CLDN10: variants seen among roughly 807,000 people sequenced by gnomAD.
CLDN10 encodes claudin-10.
In CLDN10, 15 loss-of-function variants were observed where a neutral mutation model predicts 22.9. The ratio of observed to expected loss-of-function variants is 0.65; its 90% CI spans 0.44 to 1.01. CLDN10 has a LOEUF of 1.01. CLDN10 is among the 50% of genes least tolerant of loss of function. The probability of loss-of-function intolerance (pLI) is 0.00; values close to 1 mark genes in which losing one functional copy is unlikely to be tolerated. For missense variants in CLDN10, 247 were observed against 287.8 expected (o/e 0.86, Z 1.03); for synonymous variants, 114 against 111.4 (o/e 1.02, Z -0.15).
At chr13:95,554,544 TG>T (rs2043609857) in intron 1 of CLDN10, among the ~76,000 whole-genome samples, 1 of 152,166 alleles carries the variant, frequency 6.6e-6, no homozygotes, top group Non-Finnish European at 1.5e-5. Context: ...TAGGAATAGT[TG>T]TCCTGGTTAG....
chr13:95,563,374 T>C (rs887081636), intron 3 of CLDN10, among the ~76,000 whole-genome samples: 1 of 152,194 alleles, frequency 6.6e-6, no homozygotes. Context: ...AGCTCTTTTC[T>C]GCAGTGGCTT....
At chr13:95,546,763 A>G (rs1470964069) in intron 1 of CLDN10, among the ~76,000 whole-genome samples, 1 of 152,148 alleles carries the variant, frequency 6.6e-6, no homozygotes, top group Non-Finnish European at 1.5e-5. Flanking sequence ...ACACCTAGTC[A>G]TTGAGAAAAC....
At chr13:95,465,805 C>T (rs1274966068) in intron 1 of CLDN10, among the ~76,000 whole-genome samples, 5 of 152,180 alleles carry the variant, frequency 3.3e-5, no homozygotes, top group East Asian at 1.9e-4. Flanking sequence ...AGTCTTTCTT[C>T]GCTACTGTCA....
chr13:95,487,096 C>G (rs899904724), intron 1 of CLDN10, among the ~76,000 whole-genome samples: 15 of 152,200 alleles, frequency 9.9e-5, no homozygotes, highest in African/African-American at 3.6e-4. Context: ...TTCTCTGCAT[C>G]TATCTCCTGA....
intron 1 of CLDN10, among the ~76,000 whole-genome samples, chr13:95,478,183 CTGTAGTCCCAGCT>C (rs1223452358): frequency 2.0e-5 from 3 of 152,164 alleles, no homozygotes; most frequent in African/African-American, 7.2e-5. Context: ...TGGTGCATGC[CTGTAGTCCCAGCT>C]ACTTGGGAGG....
At chr13:95,539,301 A>G (rs182791099) in intron 1 of CLDN10, among the ~76,000 whole-genome samples, 10 of 152,340 alleles carry the variant, frequency 6.6e-5, no homozygotes, top group African/African-American at 2.4e-4. Flanking sequence ...GACTCTTAAA[A>G]CAACACAGAA....
chr13:95,542,637 T>C (rs1038410434), intron 1 of CLDN10, among the ~76,000 whole-genome samples: 1 of 151,908 alleles, frequency 6.6e-6, no homozygotes, highest in Non-Finnish European at 1.5e-5. Context: ...TGAAACCCCA[T>C]CTGTACTAAA....
chr13:95,475,918 G>T (rs1387585674), intron 1 of CLDN10, among the ~76,000 whole-genome samples: 1 of 151,972 alleles, frequency 6.6e-6, no homozygotes, highest in Admixed American at 6.6e-5. Context: ...CCATGGCTCT[G>T]CTGTGATGTG....
intron 1 of CLDN10, among the ~76,000 whole-genome samples, chr13:95,510,098 G>T (rs543996950): frequency 5.1e-4 from 77 of 152,216 alleles, no homozygotes; most frequent in Non-Finnish European, 3.5e-4. Flanking sequence ...TTGCAAGCAA[G>T]TTCCAGCACA....
At chr13:95,446,172 A>G (rs981856894) in intron 1 of CLDN10, among the ~76,000 whole-genome samples, 9 of 152,294 alleles carry the variant, frequency 5.9e-5, no homozygotes, top group Admixed American at 3.3e-4. Context: ...TCTCACAGAG[A>G]CCTGGCTAGA....
intron 1 of CLDN10, among the ~76,000 whole-genome samples, chr13:95,477,161 G>T (rs998044238): frequency 2.6e-5 from 4 of 152,210 alleles, no homozygotes; most frequent in African/African-American, 9.6e-5. Flanking sequence ...GGCACGCCAC[G>T]CCATGCAGGG....
intron 1 of CLDN10, among the ~76,000 whole-genome samples, chr13:95,491,321 A>T (rs1031148288): frequency 1.3e-5 from 2 of 152,014 alleles, no homozygotes; most frequent in Admixed American, 6.6e-5. Flanking sequence ...GTCATTTAAC[A>T]TAATCCCAGA....
intron 3 of CLDN10, among the ~76,000 whole-genome samples, chr13:95,573,687 T>C (rs993744672): frequency 3.3e-5 from 5 of 150,614 alleles, no homozygotes; most frequent in Non-Finnish European, 7.4e-5. Context: ...CAGTTTTTTT[T>C]GATATTTTTA....
chr13:95,513,158 G>T (rs539235100), intron 1 of CLDN10, among the ~76,000 whole-genome samples: 1 of 152,334 alleles, frequency 6.6e-6, no homozygotes, highest in Non-Finnish European at 1.5e-5. Context: ...AGGATTACAG[G>T]CATGAGCCAA....
intron 1 of CLDN10, among the ~76,000 whole-genome samples, chr13:95,501,112 T>C (rs967792111): frequency 6.6e-5 from 10 of 152,056 alleles, no homozygotes; most frequent in African/African-American, 2.2e-4. Flanking sequence ...CTCCTGGGTT[T>C]AAGCGATTCT....
chr13:95,488,157 G>A (rs2042825971), intron 1 of CLDN10, among the ~76,000 whole-genome samples: 1 of 147,254 alleles, frequency 6.8e-6, no homozygotes, highest in African/African-American at 2.5e-5. Context: ...GCTAATTTTT[G>A]TATTTTTAGT....
At chr13:95,484,066 TGACTTTG>T (rs1265140644) in intron 1 of CLDN10, among the ~76,000 whole-genome samples, 2 of 152,192 alleles carry the variant, frequency 1.3e-5, no homozygotes, top group Non-Finnish European at 2.9e-5. Context: ...GCTGGTGCCT[TGACTTTG>T]GCCTTCCCAG....
At chr13:95,445,041 G>T (rs2042359336) in intron 1 of CLDN10, among the ~76,000 whole-genome samples, 1 of 152,220 alleles carries the variant, frequency 6.6e-6, no homozygotes, top group Non-Finnish European at 1.5e-5. Flanking sequence ...CTCCCAAAGT[G>T]CTGGGATTAC....
chr13:95,448,334 T>C (rs1399889054), intron 1 of CLDN10, among the ~76,000 whole-genome samples: 1 of 152,072 alleles, frequency 6.6e-6, no homozygotes. Context: ...CACACACAGA[T>C]GTGCATTCAC....
Sources: allele counts gnomAD v4.1 joint callset (sites outside exome capture counted in the v4.1 genomes callset), GRCh38; gene constraint gnomAD v4.1.1; transcripts MANE v1.5; gene names NCBI Gene and HGNC (gene_info 2026-07-23, HGNC 2026-07-21).